The following KHDRBS2 variants were observed in gnomAD, a reference collection of about 807,000 sequenced individuals.
KHDRBS2 encodes KH RNA binding domain containing, signal transduction associated 2, also known as KH domain-containing, RNA-binding, signal transduction-associated protein 2.
Under a neutral mutation model 44.3 loss-of-function variants are expected in KHDRBS2, and 26 were observed. The ratio of observed to expected loss-of-function variants is 0.59; its 90% CI spans 0.43 to 0.81. The LOEUF is 0.81. Ranked by LOEUF, KHDRBS2 falls within the 40% of genes least tolerant of loss-of-function variation. The pLI, the probability that KHDRBS2 is intolerant of heterozygous loss-of-function variation, is 0.00. For synonymous variants in KHDRBS2, 194 were observed against 151.1 expected (o/e 1.28, Z -2.08); for missense variants, 476 against 433.1 (o/e 1.10, Z -0.88).
chr6:61,707,077 C>T (rs1007425852), intron 7 of KHDRBS2, among the ~76,000 whole-genome samples: 1 of 151,434 alleles, frequency 6.6e-6, no homozygotes, highest in Non-Finnish European at 1.5e-5. Flanking sequence ...GATGACATTA[C>T]ACTGAAAAAA....
chr6:62,225,290 C>G (rs1353012969), intron 1 of KHDRBS2, among the ~76,000 whole-genome samples: 1 of 152,036 alleles, frequency 6.6e-6, no homozygotes, highest in Non-Finnish European at 1.5e-5. Flanking sequence ...GTCAGGTTTT[C>G]TAGATTAGAT....
chr6:62,066,636 A>T (rs1256988049), intron 2 of KHDRBS2, among the ~76,000 whole-genome samples: 2 of 151,700 alleles, frequency 1.3e-5, no homozygotes, highest in African/African-American at 2.4e-5. Context: ...AATTTCATGA[A>T]ATAAATATAT....
chr6:61,588,919 C>A, the KHDRBS2 span, among the ~76,000 whole-genome samples: 1 of 152,142 alleles, frequency 6.6e-6, no homozygotes, highest in Non-Finnish European at 1.5e-5. Flanking sequence ...TTCACAGGAA[C>A]ATGGATGAAG....
the KHDRBS2 span, among the ~76,000 whole-genome samples, chr6:61,545,485 T>C: frequency 7.2e-6 from 1 of 138,682 alleles, no homozygotes; most frequent in Non-Finnish European, 1.6e-5. Flanking sequence ...ATACGTAAAA[T>C]ATTTTTAGCT....
At chr6:61,924,665 C>A (rs1808644025) in intron 4 of KHDRBS2, among the ~76,000 whole-genome samples, 1 of 151,512 alleles carries the variant, frequency 6.6e-6, no homozygotes, top group South Asian at 2.1e-4. Context: ...TTTATATAAT[C>A]TGCAATTCCT....
At chr6:61,943,892 A>C (rs535376282) in intron 4 of KHDRBS2, among the ~76,000 whole-genome samples, 6 of 152,180 alleles carry the variant, frequency 3.9e-5, no homozygotes, top group Non-Finnish European at 8.8e-5. Context: ...GACGACAAAG[A>C]GGTATATAAA....
intron 1 of KHDRBS2, among the ~76,000 whole-genome samples, chr6:62,186,209 GTTTAC>G (rs1275597939): frequency 1.3e-5 from 2 of 152,098 alleles, no homozygotes; most frequent in Non-Finnish European, 2.9e-5. Context: ...CATTTACTTA[GTTTAC>G]TTAAGTTTTC....
At chr6:61,579,430 C>T in the KHDRBS2 span, among the ~76,000 whole-genome samples, 1 of 152,124 alleles carries the variant, frequency 6.6e-6, no homozygotes, top group East Asian at 1.9e-4. Context: ...AAAGACTGAC[C>T]TCACACTTCT....
chr6:61,812,961 C>A (rs1200822970), intron 6 of KHDRBS2, among the ~76,000 whole-genome samples: 3 of 152,024 alleles, frequency 2.0e-5, no homozygotes, highest in African/African-American at 7.2e-5. Context: ...TACTTGAAGA[C>A]ACTTATTATT....
intron 4 of KHDRBS2, among the ~76,000 whole-genome samples, chr6:61,967,775 C>A (rs1181278956): frequency 1.3e-5 from 2 of 151,334 alleles, no homozygotes; most frequent in African/African-American, 2.4e-5. Context: ...TATTATTTTG[C>A]CTGCTCTTAA....
intron 2 of KHDRBS2, among the ~76,000 whole-genome samples, chr6:62,062,806 C>T (rs1562761048): frequency 1.4e-5 from 2 of 147,238 alleles, no homozygotes; most frequent in Admixed American, 6.8e-5. Flanking sequence ...AATAGAGACA[C>T]AAAAAACCCT....
the KHDRBS2 span, among the ~76,000 whole-genome samples, chr6:61,648,928 TC>T: frequency 1.6e-4 from 25 of 152,270 alleles, no homozygotes; most frequent in Admixed American, 1.2e-3. Flanking sequence ...AGTATTTCCA[TC>T]CCTATGCTAA....
intron 6 of KHDRBS2, among the ~76,000 whole-genome samples, chr6:61,814,838 T>A (rs1196490878): frequency 6.6e-6 from 1 of 151,938 alleles, no homozygotes; most frequent in African/African-American, 2.4e-5. Flanking sequence ...ATACAGTTGT[T>A]CCTCAGCATC....
chr6:62,024,863 G>T (rs1287388702), intron 3 of KHDRBS2, among the ~76,000 whole-genome samples: 2 of 151,516 alleles, frequency 1.3e-5, no homozygotes, highest in African/African-American at 4.8e-5. Flanking sequence ...TATATTAAAA[G>T]TATTTATCAT....
At position 61,789,284 on chromosome 6, in the gene KHDRBS2, G is replaced by T. The variant is rs1784273195; in HGVS notation, c.811-56520C>A. On this transcript the variant is annotated intron_variant, in intron 6 of 8. Transcript: ENST00000281156. ...GACAAATTGAAAAAGCAAAACTTGA[G>T]TATTTAAAATAGAAAGTAAAGTAGT... Among the ~76,000 whole-genome samples, 3 of 151,482 alleles carry T rather than the reference G, an allele frequency of 2.0e-5. No homozygotes were observed. In the South Asian group the frequency reaches 6.2e-4, roughly 31 times the overall value.
Position 62,047,995 on chromosome 6 carries a change from C to A in KHDRBS2, c.220-1G>T, listed in dbSNP as rs1202587705. Reference sequence around the variant, plus strand: ...CAAGCAATTTCCCCACAAAATTGAACTAGGAAACAAAATCAATAGAATGTC... The same window carrying A: ...CAAGCAATTTCCCCACAAAATTGAAATAGGAAACAAAATCAATAGAATGTC... On this transcript the variant is annotated splice_acceptor_variant, in intron 2 of 8. Transcript: ENST00000281156. LOFTEE classifies it high-confidence loss of function. 2.7e-6 allele frequency: 4 copies of A among 1,485,054 alleles called. No individual in the cohort carries two copies. The highest frequency in any genetic ancestry group is 3.8e-6 in the Non-Finnish European group (4 of 1,063,160). 92.0% of individuals were successfully genotyped at this position (1,485,054 alleles called of 1,614,324 possible).
chr6:61,552,065 A>G, the KHDRBS2 span, among the ~76,000 whole-genome samples: 204 of 151,908 alleles, frequency 1.3e-3, no homozygotes, highest in Non-Finnish European at 2.1e-3. Flanking sequence ...GCATTTCTAT[A>G]TTATATAGAA....
At chr6:61,947,913 A>AAATAATAATAATAAT (rs56372678) in intron 4 of KHDRBS2, among the ~76,000 whole-genome samples, 2 of 143,216 alleles carry the variant, frequency 1.4e-5, no homozygotes, top group African/African-American at 2.6e-5. Context: ...CACACACACA[A>AAATAATAATAATAAT]AATAATAATA....
chr6:62,026,440 T>A lies in KHDRBS2; in HGVS notation c.336+21438A>T, dbSNP rs1253634868. Among the ~76,000 whole-genome samples, 7 of 109,090 alleles carry A rather than the reference T, an allele frequency of 6.4e-5. No homozygotes were observed. The East Asian group carries it at 1.7e-3, about 26-fold the overall frequency. The allele number at this position is 109,090 out of a possible 152,430, so 71.6% of individuals were successfully genotyped here. A position where few individuals can be genotyped will look rare whatever the true frequency, so the allele number is the denominator to read the frequency against. On this transcript the variant is annotated intron_variant, in intron 3 of 8. Transcript: ENST00000281156. ...TATTTATTATTATTATTATTATTAT[T>A]TTTTTTTTTGGAGAAAAGGTCTCAT...
Sources: allele counts gnomAD v4.1 joint callset (sites outside exome capture counted in the v4.1 genomes callset), GRCh38; gene constraint gnomAD v4.1.1; transcripts MANE v1.5; gene names NCBI Gene and HGNC (gene_info 2026-07-23, HGNC 2026-07-21).